Variants in PPFIBP1 observed in about 807,000 individuals in gnomAD.
PPFIBP1 encodes the protein PPFIB scaffold protein 1.
A neutral mutation model predicts 137.8 loss-of-function variants in PPFIBP1; 112 were observed. The ratio of observed to expected loss-of-function variants is 0.81; its 90% confidence interval spans 0.70 to 0.95. The LOEUF is 0.95. Ranked by LOEUF, PPFIBP1 falls within the 40% of genes least tolerant of loss-of-function variation. PPFIBP1 has a pLI of 0.00. For synonymous variants in PPFIBP1, 378 were observed against 417.3 expected (o/e 0.91, Z 1.15); for missense variants, 1,083 against 1,196.6 (o/e 0.91, Z 1.40).
rs1301110995 is a variant in PPFIBP1 at position 27,692,785 on chromosome 12, T to C, written c.2932-11T>C. On this transcript the variant is annotated splice_polypyrimidine_tract_variant and intron_variant, in intron 29 of 29. Transcript: ENST00000228425. ...GCTCTCAGTGTGACTCCCTGTCTCCTTGTTTTCCAGCACATGTTAAAAGAA... is the reference window on the plus strand; with the variant it reads ...GCTCTCAGTGTGACTCCCTGTCTCCCTGTTTTCCAGCACATGTTAAAAGAA... 1.2e-6 allele frequency: 2 copies of C among 1,614,116 alleles called. No homozygotes were observed. The highest frequency in any genetic ancestry group is 8.5e-7 in the Non-Finnish European group (1 of 1,179,984).
chr12:27,622,940 G>A (rs1185987921), intron 2 of PPFIBP1, among the ~76,000 whole-genome samples: 1 of 152,132 alleles, frequency 6.6e-6, no homozygotes, highest in Non-Finnish European at 1.5e-5. Context: ...CGTGACCCAT[G>A]GTTTATAAAA....
chr12:27,553,692 C>A (rs1947010730), intron 1 of PPFIBP1, among the ~76,000 whole-genome samples: 1 of 152,300 alleles, frequency 6.6e-6, no homozygotes, highest in East Asian at 1.9e-4. Context: ...GCAGGGGGCA[C>A]CATTCATACC....
At chr12:27,545,594 G>A (rs1244948765) in intron 1 of PPFIBP1, among the ~76,000 whole-genome samples, 1 of 152,168 alleles carries the variant, frequency 6.6e-6, no homozygotes, top group Non-Finnish European at 1.5e-5. Flanking sequence ...ACTCCCACGA[G>A]CTATAATGCA....
At chr12:27,577,117 A>G (rs771182247) in intron 1 of PPFIBP1, among the ~76,000 whole-genome samples, 2 of 152,148 alleles carry the variant, frequency 1.3e-5, no homozygotes, top group Non-Finnish European at 2.9e-5. Context: ...GGTGTTGAGA[A>G]ATTCCACGAT....
chr12:27,674,889 T>G (rs925300270), intron 17 of PPFIBP1, among the ~76,000 whole-genome samples: 1 of 145,772 alleles, frequency 6.9e-6, no homozygotes, highest in African/African-American at 2.5e-5. Flanking sequence ...TATAACTCAC[T>G]GTAGCCTCGA....
intron 2 of PPFIBP1, among the ~76,000 whole-genome samples, chr12:27,612,328 G>GTTTTTTTTTTT (rs1173958726): frequency 5.7e-5 from 5 of 87,232 alleles, no homozygotes; most frequent in Non-Finnish European, 1.1e-4. Flanking sequence ...CTTTATTGGT[G>GTTTTTTTTTTT]TTTTTTTTTT....
intron 1 of PPFIBP1, among the ~76,000 whole-genome samples, chr12:27,553,723 A>G (rs1039768287): frequency 5.9e-5 from 9 of 152,150 alleles, no homozygotes; most frequent in Non-Finnish European, 1.2e-4. Context: ...CCCTAATTCA[A>G]TGCTCTTGTA....
chr12:27,657,365 T>A (rs2059269682), intron 9 of PPFIBP1, among the ~76,000 whole-genome samples: 1 of 151,972 alleles, frequency 6.6e-6, no homozygotes, highest in South Asian at 2.1e-4. Flanking sequence ...AATACATTTT[T>A]AAAATTATAT....
At chr12:27,691,003 A>AT (rs1312942692) in intron 27 of PPFIBP1, among the ~76,000 whole-genome samples, 7 of 149,900 alleles carry the variant, frequency 4.7e-5, no homozygotes, top group African/African-American at 9.8e-5. Context: ...GTTCTTTTTA[A>AT]TTTTTTTTTA....
intron 20 of PPFIBP1, 136 bp from the exon 21 acceptor site, chr12:27,679,797 A>C: frequency 7.3e-7 from 1 of 1,379,264 alleles, no homozygotes; most frequent in Non-Finnish European, 9.9e-7. Context: ...GTCTTAGTTA[A>C]AGTTTAAATT....
chr12:27,667,113 G>A (rs1177988773), intron 12 of PPFIBP1, 53 bp from the exon 13 acceptor site: 2 of 1,433,506 alleles, frequency 1.4e-6, no homozygotes, highest in Non-Finnish European at 1.8e-6. Context: ...TTGTAAAAGT[G>A]AAATATAAAT....
rs757125414 is a variant in PPFIBP1, at chr12:27,660,920, C to T, written c.881C>T (p.Ser294Phe). 20 of 1,613,176 alleles carry T rather than the reference C, an allele frequency of 1.2e-5. No individual in the cohort carries two copies. The highest frequency in any genetic ancestry group is 1.6e-5 in the Non-Finnish European group (19 of 1,179,654). ...EVQKMKKAVE[S>F]LMAANEEKDR... ...CAAAAAATGAAAAAAGCTGTGGAGT[C>T]CTTGATGGCAGCAAATGAAGAAAAG... The change falls in exon 11 of 30, where the codon TCC (serine) becomes TTC (phenylalanine). Residue 294 changes from serine (S) to phenylalanine (F), a missense_variant. Ser to Phe is a radical substitution (Grantham distance 155). Coordinates refer to ENST00000228425, the MANE Select transcript of PPFIBP1 (RefSeq NM_003622.4).
At chr12:27,566,787 G>A (rs976249809) in intron 1 of PPFIBP1, among the ~76,000 whole-genome samples, 4 of 152,098 alleles carry the variant, frequency 2.6e-5, no homozygotes, top group Non-Finnish European at 5.9e-5. Flanking sequence ...AAGGCCACAC[G>A]GTCAGCAAGT....
chr12:27,639,154 G>T (rs1033747079), intron 4 of PPFIBP1, among the ~76,000 whole-genome samples: 4 of 152,170 alleles, frequency 2.6e-5, no homozygotes, highest in Non-Finnish European at 5.9e-5. Flanking sequence ...ATTTATTAGT[G>T]TAGCTCTAGG....
intron 19 of PPFIBP1, among the ~76,000 whole-genome samples, chr12:27,678,856 C>CAAAAAAAAAAAAAAAAAAAAAA (rs60834907): frequency 1.4e-4 from 14 of 98,970 alleles, no homozygotes; most frequent in Admixed American, 5.4e-4. Flanking sequence ...GACTCTGTCT[C>CAAAAAAAAAAAAAAAAAAAAAA]AAAAAAAAAA....
chr12:27,688,535 C>T, intron 26 of PPFIBP1, 112 bp downstream of exon 26: 2 of 1,285,036 alleles, frequency 1.6e-6, no homozygotes, highest in Non-Finnish European at 2.2e-6. Context: ...ACTCAACCCT[C>T]CTGCCCTATT....
rs767617732 is a variant in PPFIBP1 at position 27,682,395 on chromosome 12, A to T, written c.2055A>T (p.Gly685=). ...AATGTTTATTGTTTCAGGAACTTGG[A>T]ATCAAGCATTCACTTCATCGAAAGA... ...ASQQDLEKEL[G]IKHSLHRKKL... is the part of the protein sequence containing the mutation. Residue 685 remains glycine, a synonymous_variant, in exon 23 of 30, where the codon GGA becomes GGT. Transcript: ENST00000228425. The T allele has an allele frequency of 6.2e-7, 1 of 1,609,254 alleles. No homozygotes were observed. The highest frequency in any genetic ancestry group is 8.5e-7 in the Non-Finnish European group (1 of 1,175,604).
chr12:27,685,788 A>C (rs1223388707), intron 24 of PPFIBP1, among the ~76,000 whole-genome samples: 1 of 152,206 alleles, frequency 6.6e-6, no homozygotes, highest in Non-Finnish European at 1.5e-5. Context: ...ATTATGTCAG[A>C]TGTTAACATT....
At chr12:27,686,341 G>A (rs7137987) in intron 24 of PPFIBP1, among the ~76,000 whole-genome samples, 11 of 152,080 alleles carry the variant, frequency 7.2e-5, no homozygotes, top group African/African-American at 1.9e-4. Flanking sequence ...GGGTGTGTTT[G>A]GAAGTAGACT....
Sources: gnomAD v4.1 joint callset for allele counts (sites outside exome capture counted in the v4.1 genomes callset) on GRCh38, gnomAD v4.1.1 for gene constraint, MANE v1.5 for transcripts, NCBI Gene and HGNC (gene_info 2026-07-23, HGNC 2026-07-21) for gene names.